Variants in KIAA1671 observed in about 807,000 individuals in gnomAD.
KIAA1671 encodes uncharacterized protein KIAA1671.
In KIAA1671, 52 loss-of-function variants were observed where a neutral mutation model predicts 131.2. That is an observed-to-expected ratio of 0.40 (90% CI 0.32 to 0.50). The LOEUF is 0.50. KIAA1671 is among the 20% of genes least tolerant of loss of function. The probability of loss-of-function intolerance (pLI) is 0.73; values close to 1 mark genes in which losing one functional copy is unlikely to be tolerated. For synonymous variants in KIAA1671, 1,003 were observed against 961.6 expected, an observed-to-expected ratio of 1.04 and a Z score of -0.80; for missense variants, 2,360 against 2,364.2, an observed-to-expected ratio of 1.00 and a Z score of 0.04.
chr22:24,962,681 G>A (rs1273392516), intron 1 of KIAA1671, among the ~76,000 whole-genome samples: 4 of 152,144 alleles, frequency 2.6e-5, no homozygotes, highest in Non-Finnish European at 5.9e-5. Context: ...AGCTAGTATC[G>A]TTAGGATTAC....
chr22:25,087,539 C>T (rs1293132489), intron 6 of KIAA1671, among the ~76,000 whole-genome samples: 2 of 152,198 alleles, frequency 1.3e-5, no homozygotes, highest in African/African-American at 2.4e-5. Flanking sequence ...GACGAGATCA[C>T]GCCACTGCAC....
intron 6 of KIAA1671, chr22:25,057,642 CA>C (rs1229507851): frequency 1.7e-5 from 2 of 114,940 alleles, no homozygotes; most frequent in African/African-American, 3.8e-5. Flanking sequence ...CTCTGCTGGG[CA>C]TTTTTTTTTT....
chr22:25,018,306 GC>G (rs200171284), intron 1 of KIAA1671, among the ~76,000 whole-genome samples: 9 of 151,944 alleles, frequency 5.9e-5, no homozygotes, highest in South Asian at 2.1e-4. Flanking sequence ...AAGGGCATGG[GC>G]CCCCCGACGT....
intron 1 of KIAA1671, among the ~76,000 whole-genome samples, chr22:25,001,459 A>T (rs1417703244): frequency 6.6e-6 from 1 of 152,156 alleles, no homozygotes; most frequent in Non-Finnish European, 1.5e-5. Flanking sequence ...TGAAATGTTT[A>T]CAGTGGCATT....
chr22:25,187,973 T>A (rs1456755839), intron 11 of KIAA1671, among the ~76,000 whole-genome samples: 1 of 152,172 alleles, frequency 6.6e-6, no homozygotes, highest in Non-Finnish European at 1.5e-5. Flanking sequence ...CATTTTGATT[T>A]GAGTACCTTT....
chr22:25,053,348 T>C lies in KIAA1671; in HGVS notation c.4530+3984T>C, dbSNP rs1157770822. The C allele has an allele frequency of 2.0e-5, 3 of 152,384 alleles. No homozygotes were observed. In the East Asian group the frequency reaches 5.8e-4, roughly 29 times the overall value. The allele number at this position is 152,384 out of a possible 1,614,324, so 9.4% of individuals were successfully genotyped here. On this transcript the variant is annotated intron_variant, in intron 6 of 12. Coordinates refer to ENST00000358431, the MANE Select transcript of KIAA1671 (RefSeq NM_001145206.2). Reference sequence around the variant, plus strand: ...CCTCTTTTCCCCAGGAAGTGAGCTTTGGTCTGCATTTTCACAGGGACCATA... The same window carrying C: ...CCTCTTTTCCCCAGGAAGTGAGCTTCGGTCTGCATTTTCACAGGGACCATA...
intron 6 of KIAA1671, among the ~76,000 whole-genome samples, chr22:25,099,560 T>G (rs1259620793): frequency 5.2e-5 from 3 of 57,610 alleles, no homozygotes; most frequent in Non-Finnish European, 1.3e-4. Context: ...TTTTTTTTTT[T>G]TTTTTTTTTT....
intron 1 of KIAA1671, among the ~76,000 whole-genome samples, chr22:25,015,723 T>C (rs1925276009): frequency 7.9e-6 from 1 of 126,068 alleles, no homozygotes. Flanking sequence ...AGAATGCTTC[T>C]GTGGGTAATG....
At chr22:24,995,160 C>T (rs191835282) in intron 1 of KIAA1671, among the ~76,000 whole-genome samples, 2 of 151,588 alleles carry the variant, frequency 1.3e-5, no homozygotes, top group South Asian at 2.1e-4. Flanking sequence ...ACGCCATTCT[C>T]CTGCCTCAGC....
intron 1 of KIAA1671, among the ~76,000 whole-genome samples, chr22:24,985,449 C>T (rs1288976328): frequency 6.6e-6 from 1 of 151,900 alleles, no homozygotes; most frequent in Non-Finnish European, 1.5e-5. Flanking sequence ...ACGCCATTCT[C>T]CTGCCTCAGC....
chr22:25,099,038 T>C (rs1930521656), intron 6 of KIAA1671, among the ~76,000 whole-genome samples: 1 of 151,790 alleles, frequency 6.6e-6, no homozygotes, highest in African/African-American at 2.4e-5. Flanking sequence ...GTGATGGAAA[T>C]GACGGGGGTG....
intron 9 of KIAA1671, among the ~76,000 whole-genome samples, chr22:25,180,630 A>G (rs773964196): frequency 6.6e-6 from 1 of 152,212 alleles, no homozygotes; most frequent in Non-Finnish European, 1.5e-5. Flanking sequence ...TTAGTCCTCA[A>G]AAACATCTTG....
At chr22:25,093,748 C>CTT (rs1930184319) in intron 6 of KIAA1671, among the ~76,000 whole-genome samples, 91 of 111,416 alleles carry the variant, frequency 8.2e-4, no homozygotes, top group East Asian at 1.7e-3. Context: ...CTCTCTCTCT[C>CTT]TCTCTCTCTC....
At chr22:25,045,054 C>G (rs1041634720) in intron 5 of KIAA1671, among the ~76,000 whole-genome samples, 1,651 of 150,940 alleles carry the variant, frequency 0.011, 21 homozygotes, top group Middle Eastern at 0.031. Context: ...CCAGCTACTC[C>G]GGAGGCTGAG....
intron 10 of KIAA1671, among the ~76,000 whole-genome samples, chr22:25,182,096 T>G (rs1217861642): frequency 6.6e-6 from 1 of 152,006 alleles, no homozygotes; most frequent in Non-Finnish European, 1.5e-5. Context: ...GGAGAATGGC[T>G]TGAACCTGGG....
intron 6 of KIAA1671, among the ~76,000 whole-genome samples, chr22:25,067,892 CAGTT>C (rs1928567923): frequency 6.6e-6 from 1 of 152,270 alleles, no homozygotes; most frequent in Non-Finnish European, 1.5e-5. Flanking sequence ...ATTAATCCCT[CAGTT>C]AGCGGGGCCT....
chr22:25,045,244 CTG>C (rs1927159717), intron 5 of KIAA1671, among the ~76,000 whole-genome samples: 1 of 152,208 alleles, frequency 6.6e-6, no homozygotes, highest in South Asian at 2.1e-4. Flanking sequence ...GGTGCATAAA[CTG>C]GGGAACACCC....
chr22:25,030,095 T>C (rs1259005001), intron 3 of KIAA1671, among the ~76,000 whole-genome samples: 1 of 152,198 alleles, frequency 6.6e-6, no homozygotes, highest in Non-Finnish European at 1.5e-5. Context: ...TACTCTTAAG[T>C]CAGTTGGTTA....
intron 1 of KIAA1671, among the ~76,000 whole-genome samples, chr22:24,993,175 G>A (rs755525814): frequency 5.3e-5 from 8 of 152,104 alleles, no homozygotes; most frequent in Non-Finnish European, 1.2e-4. Context: ...CACCGGGAGT[G>A]GGAGACTCAG....
Sources: allele counts gnomAD v4.1 joint callset (sites outside exome capture counted in the v4.1 genomes callset), GRCh38; gene constraint gnomAD v4.1.1; transcripts MANE v1.5; gene names NCBI Gene and HGNC (gene_info 2026-07-23, HGNC 2026-07-21).